CACNA1D: variants seen among roughly 807,000 people sequenced by gnomAD.
CACNA1D encodes calcium voltage-gated channel subunit alpha1 D.
CACNA1D carries 55 observed loss-of-function variants against 257.1 expected under a neutral mutation model. That is an observed-to-expected ratio of 0.21 (90% CI 0.17 to 0.27). The LOEUF is 0.27. CACNA1D is among the 10% of genes least tolerant of loss of function. CACNA1D has a pLI of 1.00. For missense variants in CACNA1D, 1,876 were observed against 2,784.0 expected (o/e 0.67, Z 7.34); for synonymous variants, 980 against 1,014.9 (o/e 0.97, Z 0.65).
At position 53,497,382 on chromosome 3, in the gene CACNA1D, A is replaced by G; in HGVS notation, c.298A>G (p.Ser100Gly). ...KSKKQGNSSN[S>G]RPARALFCLS... ...CAAAAAACAGGGTAACTCGTCCAAC[A>G]GCCGACCTGCCCGCGCCCTTTTCTG... Residue 100 changes from serine (S) to glycine (G), a missense_variant, in exon 2 of 48, where the codon AGC (serine) becomes GGC (glycine). Ser to Gly is a moderately conservative substitution (Grantham distance 56, BLOSUM62 0). Transcript: ENST00000350061. The G allele has an allele frequency of 4.3e-6, 7 of 1,614,224 alleles. No individual in the cohort carries two copies. The highest frequency in any genetic ancestry group is 5.9e-6 in the Non-Finnish European group (7 of 1,180,042).
intron 8 of CACNA1D, among the ~76,000 whole-genome samples, chr3:53,678,050 A>T (rs1026446097): frequency 2.0e-5 from 3 of 152,362 alleles, no homozygotes; most frequent in South Asian, 2.1e-4. Context: ...AATCGAATCA[A>T]TTCAGTCCTT....
rs947706946 is a variant in CACNA1D, at chr3:53,604,360, A to G, written c.484-46419A>G. ...TGACTGGCCAGCAGATGGGGAGTGG[A>G]GCTCAGTAGATAGCCATTCTGCACT... On this transcript the variant is annotated intron_variant, in intron 3 of 47. Coordinates refer to ENST00000350061, the MANE Select transcript of CACNA1D (RefSeq NM_001128840.3). Among the ~76,000 whole-genome samples the G allele has an allele frequency of 7.9e-5, 12 of 152,188 alleles. 1 individual carries two copies. Among genetic ancestry groups the G allele is most frequent in the African/African-American group, 2.9e-4 (12 of 41,450 alleles).
At chr3:53,535,497 T>G (rs2107482942) in intron 3 of CACNA1D, among the ~76,000 whole-genome samples, 1 of 152,338 alleles carries the variant, frequency 6.6e-6, no homozygotes. Context: ...GAATATTGAC[T>G]GGCAGGCTTT....
intron 3 of CACNA1D, among the ~76,000 whole-genome samples, chr3:53,638,036 C>T (rs966167065): frequency 7.9e-5 from 12 of 152,216 alleles, no homozygotes; most frequent in Non-Finnish European, 1.2e-4. Context: ...TCTATGGTGT[C>T]GGCACACTCA....
rs1432681714 is a variant in CACNA1D, at chr3:53,673,932, C to A, written c.1220+806C>A. 5 of 754,960 alleles carry A rather than the reference C, an allele frequency of 6.6e-6. No homozygotes were observed. The highest frequency in any genetic ancestry group is 1.2e-5 in the Non-Finnish European group (5 of 406,892). 46.8% of individuals were successfully genotyped at this position (754,960 alleles called of 1,614,324 possible). A position where few individuals can be genotyped will look rare whatever the true frequency, so the allele number is the denominator to read the frequency against. On this transcript the variant is annotated intron_variant, in intron 8 of 47. Coordinates refer to ENST00000350061, the MANE Select transcript of CACNA1D (RefSeq NM_001128840.3). The surrounding 1 kb of genome is among the most constrained non-coding windows in gnomAD (Gnocchi z 4.1). ...GCATGTGTTTGGACTCTGATGTCCT[C>A]TCAGTGTGTTGCTTTTGGATTGAAC...
intron 3 of CACNA1D, among the ~76,000 whole-genome samples, chr3:53,577,733 G>A (rs1292463991): frequency 6.6e-6 from 1 of 152,148 alleles, no homozygotes; most frequent in East Asian, 1.9e-4. Flanking sequence ...GGGCTGTGAG[G>A]CAATGCAGGC....
intron 3 of CACNA1D, among the ~76,000 whole-genome samples, chr3:53,622,817 A>G (rs1018459560): frequency 2.6e-5 from 4 of 152,212 alleles, no homozygotes; most frequent in Non-Finnish European, 4.4e-5. Flanking sequence ...TATTCATACA[A>G]TGGAATGCTA....
chr3:53,750,295 A>T (rs73092085), intron 27 of CACNA1D, among the ~76,000 whole-genome samples: 21,707 of 152,168 alleles, frequency 0.14, 2,060 homozygotes, highest in Non-Finnish European at 0.21. Flanking sequence ...CCTCATCTCT[A>T]AATCGAGGGC....
At chr3:53,629,164 G>A (rs773082755) in intron 3 of CACNA1D, among the ~76,000 whole-genome samples, 11 of 152,200 alleles carry the variant, frequency 7.2e-5, no homozygotes, top group South Asian at 2.1e-4. Flanking sequence ...CTTTATTTAC[G>A]AAAACCTGGC....
At chr3:53,561,419 A>G (rs982389275) in intron 3 of CACNA1D, among the ~76,000 whole-genome samples, 1 of 152,054 alleles carries the variant, frequency 6.6e-6, no homozygotes, top group Non-Finnish European at 1.5e-5. Context: ...TTGGATCCCT[A>G]TTTTACGTTT....
intron 3 of CACNA1D, among the ~76,000 whole-genome samples, chr3:53,567,576 T>C (rs1310102802): frequency 6.6e-6 from 1 of 152,180 alleles, no homozygotes; most frequent in African/African-American, 2.4e-5. Flanking sequence ...GCCTCAAGTG[T>C]TTGATTACAG....
At chr3:53,536,431 A>AT (rs1192275643) in intron 3 of CACNA1D, among the ~76,000 whole-genome samples, 4 of 152,038 alleles carry the variant, frequency 2.6e-5, no homozygotes, top group African/African-American at 9.7e-5. Context: ...TATGGTACTG[A>AT]TTTTTTCACA....
chr3:53,580,208 A>T (rs1164537658), intron 3 of CACNA1D, among the ~76,000 whole-genome samples: 2 of 152,184 alleles, frequency 1.3e-5, no homozygotes, highest in East Asian at 3.8e-4. Context: ...GGAATACATG[A>T]TGTCCTATAT....
Position 53,543,442 on chromosome 3 carries a change from CT to C in CACNA1D, c.483+41723del, listed in dbSNP as rs367590443. On this transcript the variant is annotated intron_variant, in intron 3 of 47. Coordinates refer to ENST00000350061, the MANE Select transcript of CACNA1D (RefSeq NM_001128840.3). ...CTCCAAATGTGCAGGATTCAGGGCC[CT>C]CTCTTTGGTAGGTGTGTGGGAATCT... Among the ~76,000 whole-genome samples, 940 of 152,262 alleles carry C rather than the reference CT, an allele frequency of 6.2e-3. 4 individuals are homozygous for C. Among genetic ancestry groups the C allele is most frequent in the African/African-American group, 0.021 (878 of 41,524 alleles).
At position 53,776,090 on chromosome 3, in the gene CACNA1D, T is replaced by C. The variant is rs574074507; in HGVS notation, c.4362+45T>C. On this transcript the variant is annotated intron_variant, in intron 35 of 47. Transcript: ENST00000350061. ...CCCCCTCTCAATTTACAGATGCTTATGTAGCAGTCAGCGTTCACACAAATG... is the reference window on the plus strand; with the variant it reads ...CCCCCTCTCAATTTACAGATGCTTACGTAGCAGTCAGCGTTCACACAAATG... 25 of 1,563,800 alleles carry C rather than the reference T, an allele frequency of 1.6e-5. No individual in the cohort carries two copies. In the African/African-American group the frequency reaches 2.2e-4, roughly 14 times the overall value.
At chr3:53,586,032 T>C (rs2093209599) in intron 3 of CACNA1D, among the ~76,000 whole-genome samples, 1 of 152,162 alleles carries the variant, frequency 6.6e-6, no homozygotes, top group African/African-American at 2.4e-5. Flanking sequence ...GATCCAAATA[T>C]GGTTCAGGAA....
At chr3:53,716,929 T>A (rs1188903833) in intron 9 of CACNA1D, among the ~76,000 whole-genome samples, 2 of 152,208 alleles carry the variant, frequency 1.3e-5, no homozygotes, top group East Asian at 3.8e-4. Context: ...AAGTCTGCTA[T>A]GAGCAAGGCG....
chr3:53,774,089 T>C lies in CACNA1D; in HGVS notation c.4111-498T>C, dbSNP rs1394734987. 1.2e-5 allele frequency: 2 copies of C among 169,930 alleles called. No homozygotes were observed. The highest frequency in any genetic ancestry group is 2.6e-5 in the Non-Finnish European group (2 of 78,422). The allele number at this position is 169,930 out of a possible 1,614,324, so 10.5% of individuals were successfully genotyped here. On this transcript the variant is annotated intron_variant, in intron 33 of 47. Transcript: ENST00000350061. This position sits in a 1 kb window ranked among gnomAD's most constrained non-coding sequence, Gnocchi z 4.3. ...TTATCTGTCTGCTCATCACACGTTA[T>C]TTTCATTCCCTCGGTATCTATGCTG...
At chr3:53,567,442 C>T (rs2092865034) in intron 3 of CACNA1D, among the ~76,000 whole-genome samples, 1 of 152,140 alleles carries the variant, frequency 6.6e-6, no homozygotes, top group Non-Finnish European at 1.5e-5. Flanking sequence ...AATGTCAGAC[C>T]TCAAAGTCTC....
Sources: gnomAD v4.1 joint callset for allele counts (sites outside exome capture counted in the v4.1 genomes callset) on GRCh38, gnomAD v4.1.1 for gene constraint, Gnocchi (gnomAD v3.1) non-coding constraint, MANE v1.5 for transcripts, NCBI Gene and HGNC (gene_info 2026-07-23, HGNC 2026-07-21) for gene names.